Variants in GOT1L1 observed in about 807,000 individuals in gnomAD.
The protein encoded by GOT1L1 is aspartate aminotransferase, cytoplasmic 2.
Under a neutral mutation model 43.6 loss-of-function variants are expected in GOT1L1, and 38 were observed. The ratio of observed to expected loss-of-function variants is 0.87; its 90% CI spans 0.67 to 1.14. The LOEUF is 1.14. Among genes scored for constraint, GOT1L1 ranks in the 50% most tolerant of loss-of-function variants. The pLI, the probability that GOT1L1 is intolerant of heterozygous loss-of-function variation, is 0.00. For synonymous variants in GOT1L1, 183 were observed against 187.2 expected (o/e 0.98, Z 0.18); for missense variants, 482 against 504.0 (o/e 0.96, Z 0.42).
At chr8:37,939,429 AAAATATATAT>A (rs1419212006) in intron 1 of GOT1L1, among the ~76,000 whole-genome samples, 2 of 52,754 alleles carry the variant, frequency 3.8e-5, no homozygotes, top group African/African-American at 7.5e-5. Flanking sequence ...AAAAAAAAAA[AAAATATATAT>A]ATATATATAT....
chr8:37,939,414 A>G (rs1807852055), intron 1 of GOT1L1, among the ~76,000 whole-genome samples: 1 of 61,620 alleles, frequency 1.6e-5, no homozygotes, highest in African/African-American at 6.4e-5. Context: ...GCCCTGTCTC[A>G]AGAAAAAAAA....
intron 8 of GOT1L1, 126 bp downstream of exon 8, chr8:37,934,947 A>T: frequency 2.7e-6 from 3 of 1,105,488 alleles, no homozygotes; most frequent in Non-Finnish European, 3.9e-6. Context: ...AAAGCAGCCC[A>T]TTTTCCAGAG....
At chr8:37,939,431 A>AAATATATATATAT (rs1237987679) in intron 1 of GOT1L1, among the ~76,000 whole-genome samples, 4 of 41,690 alleles carry the variant, frequency 9.6e-5, no homozygotes, top group Non-Finnish European at 1.8e-4. Context: ...AAAAAAAAAA[A>AAATATATATATAT]ATATATATAT....
Position 37,940,091 on chromosome 8 carries a change from G to C in GOT1L1, c.-62C>G. 1 of 1,540,850 alleles carries C rather than the reference G, an allele frequency of 6.5e-7. No individual in the cohort carries two copies. Reference sequence around the variant, plus strand: ...TGCTCCTGTGTTCCGCTTCTGCCCAGAAGTCTTCCTCCAAGGCTGGGCCGG... The same window carrying C: ...TGCTCCTGTGTTCCGCTTCTGCCCACAAGTCTTCCTCCAAGGCTGGGCCGG... On this transcript the variant is annotated 5_prime_UTR_variant, in exon 1 of 9. Coordinates refer to ENST00000307599, the MANE Select transcript of GOT1L1 (RefSeq NM_152413.3).
In GOT1L1 at chr8:37,935,167, TTC is replaced by T. The variant is rs775854324; in HGVS notation, c.976_977del (p.Glu326LysfsTer53). ...EVVENIMLTK[E>X]KVKEKLQLLG... ...GGAGCTGGAGTTTCTCCTTCACTTTTTCCTTGGTTAGCATGATGTTCTCTACA... is the reference window on the plus strand; with the variant it reads ...GGAGCTGGAGTTTCTCCTTCACTTTTCTTGGTTAGCATGATGTTCTCTACA... On this transcript the variant is annotated frameshift_variant, in exon 8 of 9. Coordinates refer to ENST00000307599, the MANE Select transcript of GOT1L1 (RefSeq NM_152413.3). LOFTEE classifies it high-confidence loss of function. The T allele has an allele frequency of 6.2e-7, 1 of 1,610,796 alleles. No individual in the cohort carries two copies. Among genetic ancestry groups the T allele is most frequent in the East Asian group, 2.2e-5 (1 of 44,818 alleles).
Position 37,935,095 on chromosome 8 carries a change from G to A in GOT1L1, c.1050C>T (p.Thr350=), listed in dbSNP as rs200998547. Residue 350 remains threonine (T), a synonymous_variant, in exon 8 of 9, where the codon ACC becomes ACT. Transcript: ENST00000307599. ...SWGHITEQSG[T]HGYLGLNSQQ... The stretch of plus-strand genomic sequence containing the variant: ...TACAGTTGAGTCCAAGATAGCCGTG[G>A]GTCCCACTCTGCTCGGTGATGTGAC... The A allele has an allele frequency of 1.2e-5, 19 of 1,613,882 alleles. 1 individual carries two copies. The South Asian group carries it at 1.8e-4, about 15-fold the overall frequency.
chr8:37,935,479 G>A (rs182468851), intron 7 of GOT1L1, among the ~76,000 whole-genome samples: 1 of 152,280 alleles, frequency 6.6e-6, no homozygotes, highest in Admixed American at 6.5e-5. Flanking sequence ...ATAACTCATT[G>A]GCCTGGGTGC....
In GOT1L1 at chr8:37,935,102, C is replaced by T; in HGVS notation, c.1043G>A (p.Ser348Asn). ...GAGTCCAAGATAGCCGTGGGTCCCACTCTGCTCGGTGATGTGACCCCAGGA... is the reference window on the plus strand; with the variant it reads ...GAGTCCAAGATAGCCGTGGGTCCCATTCTGCTCGGTGATGTGACCCCAGGA... ...PGSWGHITEQ[S>N]GTHGYLGLNS... The change falls in exon 8 of 9, where the codon AGT (serine) becomes AAT (asparagine). Residue 348 changes from serine (S) to asparagine (N), a missense_variant. Transcript: ENST00000307599. The T allele has an allele frequency of 1.9e-6, 3 of 1,613,920 alleles. No homozygotes were observed. Among genetic ancestry groups the T allele is most frequent in the South Asian group, 1.1e-5 (1 of 91,064 alleles).
chr8:37,938,656 A>G (rs1185532765), intron 2 of GOT1L1, 44 bp downstream of exon 2: 1 of 1,507,958 alleles, frequency 6.6e-7, no homozygotes, highest in East Asian at 2.5e-5. Flanking sequence ...CCAGATCGCC[A>G]CTCTCTGTGT....
At chr8:37,939,603 GAGAA>G (rs1375140403) in intron 1 of GOT1L1, among the ~76,000 whole-genome samples, 1 of 151,580 alleles carries the variant, frequency 6.6e-6, no homozygotes, top group Non-Finnish European at 1.5e-5. Flanking sequence ...GGAAGAGAAA[GAGAA>G]AGAGAGAGAG....
At chr8:37,938,507 A>C (rs983096404) in intron 2 of GOT1L1, among the ~76,000 whole-genome samples, 193 bp downstream of exon 2, 5 of 152,256 alleles carry the variant, frequency 3.3e-5, no homozygotes, top group Admixed American at 2.0e-4. Flanking sequence ...CAGTGTGAGC[A>C]GGTGGGAATA....
At chr8:37,938,932 G>A in intron 1 of GOT1L1, 51 bp from the exon 2 acceptor site, 2 of 1,568,286 alleles carry the variant, frequency 1.3e-6, no homozygotes, top group Non-Finnish European at 1.7e-6. Context: ...TGGGCCCCCA[G>A]GGCTGAGCTC....
chr8:37,937,090 C>T, intron 4 of GOT1L1, 33 bp from the exon 5 acceptor site: 1 of 1,599,524 alleles, frequency 6.3e-7, no homozygotes, highest in Non-Finnish European at 8.6e-7. Flanking sequence ...CAGGCTTCAC[C>T]CCCACCCAGG....
intron 2 of GOT1L1, among the ~76,000 whole-genome samples, 171 bp from the exon 3 acceptor site, chr8:37,937,920 A>G (rs1432071739): frequency 2.0e-5 from 3 of 152,128 alleles, no homozygotes; most frequent in African/African-American, 7.2e-5. Flanking sequence ...GGGCATGTGT[A>G]ATCCCCGCTA....
rs1420399970 is a variant in GOT1L1 at position 37,934,483 on chromosome 8, T to C, written c.1076A>G (p.Gln359Arg). Residue 359 changes from glutamine (Q) to arginine (R), a missense_variant, in exon 9 of 9, where the codon CAG becomes CGG. Physicochemically the swap from Gln to Arg is conservative, Grantham distance 43 (BLOSUM62 1). Coordinates refer to ENST00000307599, the MANE Select transcript of GOT1L1 (RefSeq NM_152413.3). The stretch of plus-strand genomic sequence containing the variant: ...CTTCCTGACCAGGTATTCCACCTGC[T>C]GGGCTAAAATCATGACAAGGTCTCA... Reference protein sequence around the residue: ...GTHGYLGLNSQQVEYLVRKKH... With the variant: ...GTHGYLGLNSRQVEYLVRKKH... 6.2e-7 allele frequency: 1 copy of C among 1,611,046 alleles called. No individual in the cohort carries two copies. Among genetic ancestry groups the C allele is most frequent in the African/African-American group, 1.3e-5 (1 of 75,024 alleles).
intron 7 of GOT1L1, 42 bp from the exon 8 acceptor site, chr8:37,935,257 C>A (rs1438244464): frequency 6.5e-7 from 1 of 1,538,178 alleles, no homozygotes; most frequent in African/African-American, 1.4e-5. Flanking sequence ...GTGAGGTCCC[C>A]CTTGCCCTCA....
At chr8:37,936,061 C>G (rs184496359) in intron 6 of GOT1L1, among the ~76,000 whole-genome samples, 192 bp from the exon 7 acceptor site, 25 of 152,330 alleles carry the variant, frequency 1.6e-4, no homozygotes, top group African/African-American at 5.5e-4. Flanking sequence ...ACCCATAAGT[C>G]AGAGTCTTAA....
chr8:37,937,581 G>A (rs3100762), intron 3 of GOT1L1, 57 bp downstream of exon 3: 1 of 1,271,586 alleles, frequency 7.9e-7, no homozygotes, highest in East Asian at 2.5e-5. Context: ...CAAATGGGGT[G>A]AGGATTAGGA....
chr8:37,939,434 ATATATAT>A lies in GOT1L1; in HGVS notation c.115+474_115+480del, dbSNP rs1807864161. ...GTCTCAAGAAAAAAAAAAAAAAAAT[ATATATAT>A]ATATATATATATATATATATATATA... On this transcript the variant is annotated intron_variant, in intron 1 of 8. Transcript: ENST00000307599. Among the ~76,000 whole-genome samples the A allele has an allele frequency of 2.1e-3, 123 of 57,922 alleles. 2 individuals are homozygous for A. The highest frequency in any genetic ancestry group is 7.4e-3 in the African/African-American group (96 of 12,950). 38.0% of individuals were successfully genotyped at this position (57,922 alleles called of 152,430 possible). A position where few individuals can be genotyped will look rare whatever the true frequency, so the allele number is the denominator to read the frequency against.
Sources: gnomAD v4.1 joint callset for allele counts (sites outside exome capture counted in the v4.1 genomes callset) on GRCh38, gnomAD v4.1.1 for gene constraint, MANE v1.5 for transcripts, NCBI Gene and HGNC (gene_info 2026-07-23, HGNC 2026-07-21) for gene names.